EXT1: variants seen among roughly 807,000 people sequenced by gnomAD.
EXT1 encodes exostosin-1.
Under a neutral mutation model 82.5 loss-of-function variants are expected in EXT1, and 20 were observed. The ratio of observed to expected loss-of-function variants is 0.24; its 90% CI spans 0.17 to 0.35. The LOEUF is 0.35. Ranked by LOEUF, EXT1 falls within the 10% of genes least tolerant of loss-of-function variation. The pLI is 1.00. For missense variants in EXT1, 757 were observed against 936.5 expected (o/e 0.81, Z 2.50); for synonymous variants, 348 against 350.8 (o/e 0.99, Z 0.09).
At chr8:117,940,861 G>GCT (rs1485254543) in intron 1 of EXT1, among the ~76,000 whole-genome samples, 2 of 152,138 alleles carry the variant, frequency 1.3e-5, no homozygotes, top group Non-Finnish European at 2.9e-5. Flanking sequence ...CTAGGCTGCT[G>GCT]GGATCTTGCA....
chr8:117,812,987 G>T lies in EXT1; in HGVS notation c.1633-26C>A, dbSNP rs188609829. The T allele has an allele frequency of 1.1e-3, 1,746 of 1,592,430 alleles. 11 individuals are homozygous for T. In the East Asian group the frequency reaches 0.019, roughly 18 times the overall value. On this transcript the variant is annotated intron_variant, in intron 7 of 10. Transcript: ENST00000378204. Reference sequence around the variant, plus strand: ...CTGGGAGGAAGTAGAAGTAGGCAGTGGGGAGGGAATGAGGGAAAGAGGTAA... The same window carrying T: ...CTGGGAGGAAGTAGAAGTAGGCAGTTGGGAGGGAATGAGGGAAAGAGGTAA...
intron 1 of EXT1, among the ~76,000 whole-genome samples, chr8:117,927,804 G>C (rs950455855): frequency 2.6e-5 from 4 of 152,154 alleles, no homozygotes; most frequent in Admixed American, 1.3e-4. Context: ...TTAATGCTCT[G>C]CTGTGTCTTG....
chr8:117,962,164 A>T (rs910524998), intron 1 of EXT1, among the ~76,000 whole-genome samples: 1 of 152,130 alleles, frequency 6.6e-6, no homozygotes, highest in Non-Finnish European at 1.5e-5. Flanking sequence ...CAAAACTACC[A>T]CTTCCTGGTA....
At chr8:117,818,596 G>T in intron 6 of EXT1, 66 bp from the exon 7 acceptor site, 1 of 1,230,846 alleles carries the variant, frequency 8.1e-7, no homozygotes, top group South Asian at 1.2e-5. Context: ...CCAACCCAAA[G>T]CCTCTTCTCA....
At chr8:118,017,677 CT>C (rs1276682953) in intron 1 of EXT1, among the ~76,000 whole-genome samples, 3 of 152,158 alleles carry the variant, frequency 2.0e-5, no homozygotes, top group African/African-American at 7.2e-5. Flanking sequence ...CCCAAAATGG[CT>C]TTTGCAAATT....
In EXT1 at chr8:117,991,926, T is replaced by C. The variant is rs187687124; in HGVS notation, c.962+118159A>G. 6.6e-5 allele frequency among the ~76,000 whole-genome samples: 10 copies of C among 152,288 alleles called. No individual in the cohort carries two copies. In the East Asian group the frequency reaches 1.7e-3, roughly 26 times the overall value. ...ATAAGGGAATGGGTCAGGCTTGTCA[T>C]ACAGCAGGGCACTGAGCAAGAAGTC... On this transcript the variant is annotated intron_variant, in intron 1 of 10. Coordinates refer to ENST00000378204, the MANE Select transcript of EXT1 (RefSeq NM_000127.3).
At chr8:117,819,897 TC>T in intron 5 of EXT1, 103 bp from the exon 6 acceptor site, 1 of 1,072,144 alleles carries the variant, frequency 9.3e-7, no homozygotes, top group Non-Finnish European at 1.4e-6. Flanking sequence ...AAATGTTCCC[TC>T]CTGGATGATT....
chr8:118,103,439 A>T (rs1264495007), intron 1 of EXT1, among the ~76,000 whole-genome samples: 1 of 152,218 alleles, frequency 6.6e-6, no homozygotes, highest in Non-Finnish European at 1.5e-5. Context: ...GGCATGAGCC[A>T]CTGTGCTCAG....
intron 1 of EXT1, among the ~76,000 whole-genome samples, chr8:118,019,860 T>C (rs187434203): frequency 6.6e-6 from 1 of 152,190 alleles, no homozygotes; most frequent in African/African-American, 2.4e-5. Context: ...GAACACTGCC[T>C]TTCAATAAAT....
At chr8:118,034,396 C>T (rs1311991231) in intron 1 of EXT1, among the ~76,000 whole-genome samples, 5 of 152,102 alleles carry the variant, frequency 3.3e-5, no homozygotes, top group Non-Finnish European at 5.9e-5. Context: ...CTTAAGACAA[C>T]GTTTCTGCAA....
intron 1 of EXT1, among the ~76,000 whole-genome samples, chr8:117,880,286 C>A (rs182317855): frequency 1.3e-5 from 2 of 152,282 alleles, no homozygotes; most frequent in South Asian, 4.1e-4. Flanking sequence ...CCAAAGACAG[C>A]GTGCTGAATG....
At chr8:118,024,076 G>GC (rs1816161707) in intron 1 of EXT1, among the ~76,000 whole-genome samples, 1 of 152,124 alleles carries the variant, frequency 6.6e-6, no homozygotes, top group Non-Finnish European at 1.5e-5. Flanking sequence ...TCTCCTGGAT[G>GC]CCCCATTAAG....
chr8:118,098,054 G>C (rs1817652021), intron 1 of EXT1, among the ~76,000 whole-genome samples: 1 of 152,080 alleles, frequency 6.6e-6, no homozygotes, highest in Admixed American at 6.5e-5. Context: ...TGGGGCTGGG[G>C]ATGAGAAGGC....
intron 1 of EXT1, among the ~76,000 whole-genome samples, chr8:117,965,098 C>T (rs978904485): frequency 2.0e-5 from 3 of 151,992 alleles, no homozygotes; most frequent in African/African-American, 7.2e-5. Flanking sequence ...CAATACCCTT[C>T]ATGTTGGGCT....
intron 1 of EXT1, among the ~76,000 whole-genome samples, chr8:118,088,684 CT>C (rs34437784): frequency 0.55 from 79,991 of 144,832 alleles, 24,234 homozygotes; most frequent in Middle Eastern, 0.72. Context: ...GATGCCTTCT[CT>C]TTTTTTTTTT....
chr8:118,047,804 T>C (rs967762382), intron 1 of EXT1, among the ~76,000 whole-genome samples: 6 of 152,190 alleles, frequency 3.9e-5, no homozygotes, highest in African/African-American at 1.4e-4. Flanking sequence ...TACATTCACC[T>C]GTCACCTACA....
intron 1 of EXT1, among the ~76,000 whole-genome samples, chr8:117,979,250 A>C (rs1443215044): frequency 6.6e-6 from 1 of 151,990 alleles, no homozygotes; most frequent in East Asian, 1.9e-4. Flanking sequence ...GCTACTCGGG[A>C]GGCTGAGGCA....
intron 1 of EXT1, among the ~76,000 whole-genome samples, chr8:117,975,554 T>A (rs1436505643): frequency 6.6e-6 from 1 of 152,092 alleles, no homozygotes; most frequent in East Asian, 1.9e-4. Context: ...CTTCTCTGAA[T>A]CTCCAATCTG....
intron 1 of EXT1, among the ~76,000 whole-genome samples, chr8:118,008,508 T>A (rs1240746789): frequency 6.6e-6 from 1 of 152,124 alleles, no homozygotes; most frequent in Non-Finnish European, 1.5e-5. Context: ...CGCCTCAGCC[T>A]CCAAAAGTGC....
Sources: gnomAD v4.1 joint callset for allele counts (sites outside exome capture counted in the v4.1 genomes callset) on GRCh38, gnomAD v4.1.1 for gene constraint, MANE v1.5 for transcripts, NCBI Gene and HGNC (gene_info 2026-07-23, HGNC 2026-07-21) for gene names.